The following NOS1AP variants were observed in gnomAD, a reference collection of about 807,000 sequenced individuals.
NOS1AP encodes the protein carboxyl-terminal PDZ ligand of neuronal nitric oxide synthase protein.
NOS1AP carries 21 observed loss-of-function variants against 56.2 expected under a neutral mutation model. The ratio of observed to expected loss-of-function variants is 0.37; its 90% CI spans 0.26 to 0.54. NOS1AP has a LOEUF of 0.54. NOS1AP is among the 20% of genes least tolerant of loss of function. NOS1AP has a pLI of 0.84. For synonymous variants in NOS1AP, 270 were observed against 274.6 expected (o/e 0.98, Z 0.17); for missense variants, 522 against 657.8 (o/e 0.79, Z 2.26).
At chr1:162,278,847 C>G (rs1571185220) in intron 2 of NOS1AP, among the ~76,000 whole-genome samples, 1 of 152,124 alleles carries the variant, frequency 6.6e-6, no homozygotes, top group East Asian at 1.9e-4. Context: ...TTGTAACGAT[C>G]AAATCAGGGT....
chr1:162,251,877 T>TTTG (rs1653872409), intron 2 of NOS1AP, among the ~76,000 whole-genome samples: 1 of 138,756 alleles, frequency 7.2e-6, no homozygotes, highest in African/African-American at 2.7e-5. Flanking sequence ...TTGTTTTTTT[T>TTTG]TTTTTTTTTT....
intron 1 of NOS1AP, among the ~76,000 whole-genome samples, chr1:162,098,002 T>C (rs1692286364): frequency 6.6e-6 from 1 of 151,980 alleles, no homozygotes; most frequent in African/African-American, 2.4e-5. Context: ...TGATATTTAG[T>C]CTTTTAGTCC....
intron 1 of NOS1AP, among the ~76,000 whole-genome samples, chr1:162,132,743 C>T (rs1035024791): frequency 1.3e-5 from 2 of 152,196 alleles, no homozygotes; most frequent in African/African-American, 4.8e-5. Flanking sequence ...CACAGGTCTC[C>T]ATATTGATTC....
intron 2 of NOS1AP, among the ~76,000 whole-genome samples, chr1:162,252,756 T>C (rs60725387): frequency 0.05 from 7,647 of 152,260 alleles, 571 homozygotes; most frequent in African/African-American, 0.17. Context: ...GTATTCAATA[T>C]AATAGCCACT....
intron 1 of NOS1AP, among the ~76,000 whole-genome samples, chr1:162,100,406 C>G (rs1355396579): frequency 6.6e-6 from 1 of 152,050 alleles, no homozygotes; most frequent in Admixed American, 6.6e-5. Context: ...TTTTTTCATG[C>G]GTTTTTTGGC....
chr1:162,265,137 T>A (rs1223317861), intron 2 of NOS1AP, among the ~76,000 whole-genome samples: 2 of 152,128 alleles, frequency 1.3e-5, no homozygotes, highest in Non-Finnish European at 2.9e-5. Context: ...TTTCTATCTA[T>A]ATTTTAAATT....
At chr1:162,177,790 A>G (rs1651116368) in intron 2 of NOS1AP, among the ~76,000 whole-genome samples, 1 of 152,164 alleles carries the variant, frequency 6.6e-6, no homozygotes, top group Admixed American at 6.5e-5. Flanking sequence ...CCCACTTTAA[A>G]CATTCCACAC....
intron 2 of NOS1AP, among the ~76,000 whole-genome samples, chr1:162,273,080 G>T (rs1264488247): frequency 5.3e-5 from 8 of 151,950 alleles, no homozygotes; most frequent in Non-Finnish European, 1.2e-4. Flanking sequence ...CTCTGTGTCT[G>T]GGAAGACTTC....
chr1:162,105,568 G>A (rs1647470450), intron 1 of NOS1AP, among the ~76,000 whole-genome samples: 1 of 152,202 alleles, frequency 6.6e-6, no homozygotes, highest in African/African-American at 2.4e-5. Flanking sequence ...TTGTAGTAGG[G>A]AGAGATCAGA....
At chr1:162,081,766 A>ATTTTTTT (rs1570993965) in intron 1 of NOS1AP, among the ~76,000 whole-genome samples, 3 of 11,514 alleles carry the variant, frequency 2.6e-4, no homozygotes, top group East Asian at 2.0e-3. Context: ...ATATATATAT[A>ATTTTTTT]TATATATATT....
chr1:162,124,199 AG>A (rs1648377522), intron 1 of NOS1AP, among the ~76,000 whole-genome samples: 1 of 152,018 alleles, frequency 6.6e-6, no homozygotes, highest in African/African-American at 2.4e-5. Context: ...ATAGCGGTGA[AG>A]TCTGGGATTT....
intron 2 of NOS1AP, among the ~76,000 whole-genome samples, chr1:162,195,597 C>A (rs919648249): frequency 1.3e-5 from 2 of 152,070 alleles, no homozygotes; most frequent in African/African-American, 4.8e-5. Flanking sequence ...AACTGGGTAC[C>A]CCTTTGTACA....
At chr1:162,273,735 T>G (rs930406088) in intron 2 of NOS1AP, among the ~76,000 whole-genome samples, 2 of 152,254 alleles carry the variant, frequency 1.3e-5, no homozygotes, top group African/African-American at 2.4e-5. Flanking sequence ...TTTATGTGTC[T>G]GTATAGATTC....
At chr1:162,205,273 G>A (rs188948428) in intron 2 of NOS1AP, among the ~76,000 whole-genome samples, 2 of 152,334 alleles carry the variant, frequency 1.3e-5, no homozygotes, top group East Asian at 1.9e-4. Flanking sequence ...CTTCTCTCAG[G>A]TTCAGGATCA....
chr1:162,185,076 C>T (rs1651383198), intron 2 of NOS1AP, among the ~76,000 whole-genome samples: 2 of 152,134 alleles, frequency 1.3e-5, no homozygotes, highest in South Asian at 4.1e-4. Context: ...TTCCCCAGCT[C>T]GTGGCCCCAT....
At chr1:162,294,423 C>T (rs951665428) in intron 3 of NOS1AP, among the ~76,000 whole-genome samples, 44 of 152,220 alleles carry the variant, frequency 2.9e-4, no homozygotes, top group African/African-American at 1.1e-3. Context: ...AACTCCTGAA[C>T]CAACACGATG....
intron 3 of NOS1AP, among the ~76,000 whole-genome samples, chr1:162,294,785 C>T (rs1655398470): frequency 1.3e-5 from 2 of 152,148 alleles, no homozygotes; most frequent in Non-Finnish European, 2.9e-5. Context: ...AAAGGAGTTA[C>T]ACATATCCAC....
At chr1:162,153,538 A>T (rs549510155) in intron 1 of NOS1AP, among the ~76,000 whole-genome samples, 1 of 152,360 alleles carries the variant, frequency 6.6e-6, no homozygotes, top group East Asian at 1.9e-4. Flanking sequence ...AATTTGTAGT[A>T]GTGTCATAGC....
chr1:162,359,232 C>T (rs1196893061), intron 8 of NOS1AP, among the ~76,000 whole-genome samples: 2 of 152,168 alleles, frequency 1.3e-5, no homozygotes, highest in African/African-American at 4.8e-5. Context: ...ACTCTCAATA[C>T]AAGCAGTGTG....
Sources: gnomAD v4.1 joint callset for allele counts (sites outside exome capture counted in the v4.1 genomes callset) on GRCh38, gnomAD v4.1.1 for gene constraint, MANE v1.5 for transcripts, NCBI Gene and HGNC (gene_info 2026-07-23, HGNC 2026-07-21) for gene names.